Variants in DNAJB2 observed in about 807,000 individuals in gnomAD.
DNAJB2 encodes the protein dnaJ homolog subfamily B member 2.
DNAJB2 carries 19 observed loss-of-function variants against 33.3 expected under a neutral mutation model. The observed-to-expected ratio is 0.57, with a 90% CI of 0.40 to 0.84. The LOEUF (loss-of-function observed/expected upper bound fraction) is 0.84. Ranked by LOEUF, DNAJB2 falls within the 40% of genes least tolerant of loss-of-function variation. DNAJB2 has a pLI of 0.00. For missense variants in DNAJB2, 368 were observed against 430.9 expected (o/e 0.85, Z 1.29); for synonymous variants, 172 against 164.6 (o/e 1.04, Z -0.34).
At position 219,286,071 on chromosome 2, in the gene DNAJB2, C is replaced by T. The variant is rs1434877000; in HGVS notation, c.*1084C>T. 1 of 1,591,822 alleles carries T rather than the reference C, an allele frequency of 6.3e-7. No homozygotes were observed. Among genetic ancestry groups the T allele is most frequent in the African/African-American group, 1.3e-5 (1 of 74,504 alleles). ...CCTTCCCCCATGCGCTGGGAGGGGA[C>T]CCTCCATTTCTCCCCCTCACCCATG... On this transcript the variant is annotated 3_prime_UTR_variant, in exon 9 of 9. Transcript: ENST00000336576.
rs1482632600 is a variant in DNAJB2 at position 219,280,562 on chromosome 2, C to CA, written c.66-15dup. ...ATTTGTCCCCCGACTCTCTCCTCTG[C>CA]ACCCACTTTCTGCAGGTATCGGCGC... On this transcript the variant is annotated splice_polypyrimidine_tract_variant and intron_variant, in intron 2 of 8. Transcript: ENST00000336576. The CA allele has an allele frequency of 6.9e-6, 11 of 1,604,780 alleles. No individual in the cohort carries two copies. Among genetic ancestry groups the CA allele is most frequent in the Non-Finnish European group, 6.8e-6 (8 of 1,171,868 alleles).
chr2:219,283,708 A>T (rs1951928132), intron 8 of DNAJB2, among the ~76,000 whole-genome samples: 1 of 152,140 alleles, frequency 6.6e-6, no homozygotes, highest in African/African-American at 2.4e-5. Flanking sequence ...TACATTTGCA[A>T]AGCACTTTAC....
Position 219,280,569 on chromosome 2 carries a change from T to G in DNAJB2, c.66-9T>G. ...CCCCGACTCTCTCCTCTGCACCCAC[T>G]TTCTGCAGGTATCGGCGCAAGGCTC... On this transcript the variant is annotated splice_polypyrimidine_tract_variant and intron_variant, in intron 2 of 8. Coordinates refer to ENST00000336576, the MANE Select transcript of DNAJB2 (RefSeq NM_006736.6). 1 of 1,612,020 alleles carries G rather than the reference T, an allele frequency of 6.2e-7. No homozygotes were observed. The highest frequency in any genetic ancestry group is 8.5e-7 in the Non-Finnish European group (1 of 1,178,276).
At position 219,279,593 on chromosome 2, in the gene DNAJB2, C is replaced by T. The variant is rs187888122; in HGVS notation, c.-37+75C>T. The stretch of plus-strand genomic sequence containing the variant: ...GAGTTGGGGGGCCCCGATAGGGCTC[C>T]TGGGCCTGGGCGTCGAGATAGCTCT... On this transcript the variant is annotated intron_variant, in intron 1 of 8. Transcript: ENST00000336576. This position sits in a 1 kb window ranked among gnomAD's most constrained non-coding sequence, Gnocchi z 4.9. The T allele has an allele frequency of 1.3e-3, 679 of 528,218 alleles. 10 individuals carry two copies. Among genetic ancestry groups the T allele is most frequent in the African/African-American group, 0.011 (583 of 50,738 alleles). The allele number at this position is 528,218 out of a possible 1,614,324, so 32.7% of individuals were successfully genotyped here. A position where few individuals can be genotyped will look rare whatever the true frequency, so the allele number is the denominator to read the frequency against.
At position 219,285,927 on chromosome 2, in the gene DNAJB2, ATCC is replaced by A; in HGVS notation, c.*944_*946del. 1 of 1,604,070 alleles carries A rather than the reference ATCC, an allele frequency of 6.2e-7. No homozygotes were observed. The highest frequency in any genetic ancestry group is 1.3e-5 in the African/African-American group (1 of 74,984). On this transcript the variant is annotated 3_prime_UTR_variant, in exon 9 of 9. Transcript: ENST00000336576. ...AGCCCAGGTCTGCATGCTGAGCCCCATCCTCCACAGCTTGCCGCTGACGCTCTC... is the reference window on the plus strand; with the variant it reads ...AGCCCAGGTCTGCATGCTGAGCCCCATCCACAGCTTGCCGCTGACGCTCTC...
Position 219,284,764 on chromosome 2 carries a change from A to G in DNAJB2, c.752A>G (p.Glu251Gly). The G allele has an allele frequency of 6.2e-7, 1 of 1,613,556 alleles. No homozygotes were observed. The highest frequency in any genetic ancestry group is 8.5e-7 in the Non-Finnish European group (1 of 1,179,944). Residue 251 changes from glutamate (E) to glycine (G), a missense_variant, in exon 9 of 9, where the codon GAG (glutamate) becomes GGG (glycine). By Grantham distance (98) the Glu-to-Gly change is moderately conservative. Transcript: ENST00000336576. ...ASCPLDSDLS[E>G]DEDLQLAMAY... is the part of the protein sequence containing the mutation. ...TGCCCCTTGGACAGCGACCTCTCTG[A>G]GGATGAGGACCTGCAGCTGGCCATG...
chr2:219,281,743 C>T lies in DNAJB2; in HGVS notation c.201C>T (p.Arg67=). The T allele has an allele frequency of 6.2e-7, 1 of 1,614,026 alleles. No homozygotes were observed. The highest frequency in any genetic ancestry group is 8.5e-7 in the Non-Finnish European group (1 of 1,180,006). The change falls in exon 4 of 9, where the codon CGC becomes CGT. Residue 67 remains arginine, a synonymous_variant. Transcript: ENST00000336576. The part of the protein sequence containing the change: ...SDKHKREIYD[R]YGREGLTGTG... ...AGCACAAGCGGGAGATTTACGACCG[C>T]TATGGCCGGGAAGGGCTGACAGGGA...
Position 219,281,706 on chromosome 2 carries a change from C to T in DNAJB2, c.176-12C>T. The T allele has an allele frequency of 1.2e-6, 2 of 1,613,922 alleles. No homozygotes were observed. The highest frequency in any genetic ancestry group is 1.7e-6 in the Non-Finnish European group (2 of 1,179,998). ...CAGAGGGAGGGTGAAATGATCTGGT[C>T]TCTTTTTGCAGAGCACAAGCGGGAG... On this transcript the variant is annotated splice_polypyrimidine_tract_variant and intron_variant, in intron 3 of 8. Coordinates refer to ENST00000336576, the MANE Select transcript of DNAJB2 (RefSeq NM_006736.6).
At chr2:219,280,447 A>G in intron 2 of DNAJB2, 131 bp from the exon 3 acceptor site, 2 of 658,830 alleles carry the variant, frequency 3.0e-6, no homozygotes, top group Non-Finnish European at 2.7e-6. Flanking sequence ...CAGCCCTAGC[A>G]GCTGGGGTGG....
In DNAJB2 at chr2:219,283,138, T is replaced by A; in HGVS notation, c.451T>A (p.Ser151Thr). Reference sequence around the variant, plus strand: ...CTCCCTTGTCCCGATGCCAGATTTCTCCTCCTCATCTTTCTCCTTCAGTCC... The same window carrying A: ...CTCCCTTGTCCCGATGCCAGATTTCACCTCCTCATCTTTCTCCTTCAGTCC... ...SSSFPGHSDF[S>T]SSSFSFSPGA... Residue 151 changes from serine (S) to threonine (T), a missense_variant, in exon 7 of 9, where the codon TCC becomes ACC. Transcript: ENST00000336576. 3.1e-6 allele frequency: 5 copies of A among 1,614,196 alleles called. No homozygotes were observed. In the South Asian group the frequency reaches 5.5e-5, roughly 18 times the overall value.
At chr2:219,280,069 AAGGAGAACGTCCAGAGAGTGAAGT>A (rs1377680264) in intron 2 of DNAJB2, 171 bp downstream of exon 2, 1 of 658,932 alleles carries the variant, frequency 1.5e-6, no homozygotes, top group East Asian at 2.8e-5. Context: ...GGTAGAGTAC[AAGGAGAACGTCCAGAGAGTGAAGT>A]AGTTAGTTCC....
chr2:219,280,948 G>A, intron 3 of DNAJB2: 1 of 485,728 alleles, frequency 2.1e-6, no homozygotes, highest in South Asian at 2.7e-5. Flanking sequence ...CCAGGCATTG[G>A]TGGGTGTCAT....
chr2:219,285,881 T>C lies in DNAJB2; in HGVS notation c.*894T>C. 1 of 1,543,150 alleles carries C rather than the reference T, an allele frequency of 6.5e-7. No homozygotes were observed. Among genetic ancestry groups the C allele is most frequent in the Non-Finnish European group, 8.7e-7 (1 of 1,146,244 alleles). Reference sequence around the variant, plus strand: ...CTGCTTCCCTACCACAAATCAGGGCTCAGGGAGAGGCCATGCGGCCAGCCC... The same window carrying C: ...CTGCTTCCCTACCACAAATCAGGGCCCAGGGAGAGGCCATGCGGCCAGCCC... On this transcript the variant is annotated 3_prime_UTR_variant, in exon 9 of 9. Transcript: ENST00000336576.
At chr2:219,281,826 G>A in intron 4 of DNAJB2, 55 bp downstream of exon 4, 1 of 1,613,340 alleles carries the variant, frequency 6.2e-7, no homozygotes, top group South Asian at 1.1e-5. Flanking sequence ...GAGAGGGGCA[G>A]GGCAGATTCT....
intron 3 of DNAJB2, 82 bp downstream of exon 3, chr2:219,280,769 T>G: frequency 9.8e-7 from 1 of 1,024,590 alleles, no homozygotes; most frequent in Non-Finnish European, 1.5e-6. Flanking sequence ...GCAATGTCTC[T>G]GCCACCTAGT....
intron 8 of DNAJB2, among the ~76,000 whole-genome samples, 175 bp downstream of exon 8, chr2:219,283,664 C>T (rs1260863267): frequency 2.6e-5 from 4 of 152,192 alleles, no homozygotes; most frequent in South Asian, 2.1e-4. Context: ...AGGAGTCTCA[C>T]GAAGCCATCG....
chr2:219,286,075 C>T lies in DNAJB2; in HGVS notation c.*1088C>T. 2 of 1,479,056 alleles carry T rather than the reference C, an allele frequency of 1.4e-6. No homozygotes were observed. The highest frequency in any genetic ancestry group is 5.7e-5 in the East Asian group (2 of 35,292). The allele number at this position is 1,479,056 out of a possible 1,614,324, so 91.6% of individuals were successfully genotyped here. A position where few individuals can be genotyped will look rare whatever the true frequency, so the allele number is the denominator to read the frequency against. Reference sequence around the variant, plus strand: ...CCCCCATGCGCTGGGAGGGGACCCTCCATTTCTCCCCCTCACCCATGCTGA... The same window carrying T: ...CCCCCATGCGCTGGGAGGGGACCCTTCATTTCTCCCCCTCACCCATGCTGA... On this transcript the variant is annotated 3_prime_UTR_variant, in exon 9 of 9. Transcript: ENST00000336576.
intron 4 of DNAJB2, 53 bp downstream of exon 4, chr2:219,281,824 C>T: frequency 6.2e-7 from 1 of 1,613,012 alleles, no homozygotes; most frequent in South Asian, 1.1e-5. Flanking sequence ...AGGAGAGGGG[C>T]AGGGCAGATT....
At position 219,279,742 on chromosome 2, in the gene DNAJB2, T is replaced by C; in HGVS notation, c.-36-56T>C. On this transcript the variant is annotated intron_variant, in intron 1 of 8. Transcript: ENST00000336576. This position sits in a 1 kb window ranked among gnomAD's most constrained non-coding sequence, Gnocchi z 4.9. Reference sequence around the variant, plus strand: ...TCCGCCACCCGGGGAGGGGGACTGCTGCAGCCACAGGGTGGGGCTCTTGGT... The same window carrying C: ...TCCGCCACCCGGGGAGGGGGACTGCCGCAGCCACAGGGTGGGGCTCTTGGT... 6.9e-7 allele frequency: 1 copy of C among 1,445,696 alleles called. No homozygotes were observed. Among genetic ancestry groups the C allele is most frequent in the Non-Finnish European group, 9.6e-7 (1 of 1,044,826 alleles). 89.6% of individuals were successfully genotyped at this position (1,445,696 alleles called of 1,614,324 possible). A position where few individuals can be genotyped will look rare whatever the true frequency, so the allele number is the denominator to read the frequency against.
Sources: gnomAD v4.1 joint callset for allele counts (sites outside exome capture counted in the v4.1 genomes callset) on GRCh38, gnomAD v4.1.1 for gene constraint, Gnocchi (gnomAD v3.1) non-coding constraint, MANE v1.5 for transcripts, NCBI Gene and HGNC (gene_info 2026-07-23, HGNC 2026-07-21) for gene names.